The following ZDHHC14 variants were observed in gnomAD, a reference collection of about 807,000 sequenced individuals.
ZDHHC14 encodes zDHHC palmitoyltransferase 14.
In ZDHHC14, 16 loss-of-function variants were observed where a neutral mutation model predicts 47.7. That is an observed-to-expected ratio of 0.34 (90% confidence interval 0.23 to 0.51). ZDHHC14 has a LOEUF of 0.51. ZDHHC14 is among the 20% of genes least tolerant of loss of function. ZDHHC14 has a pLI of 0.97. For missense variants in ZDHHC14, 515 were observed against 662.5 expected, an observed-to-expected ratio of 0.78 and a Z score of 2.44; for synonymous variants, 293 against 278.9, an observed-to-expected ratio of 1.05 and a Z score of -0.50.
chr6:157,537,378 T>A (rs768552659), intron 1 of ZDHHC14, among the ~76,000 whole-genome samples: 2 of 152,266 alleles, frequency 1.3e-5, no homozygotes, highest in Non-Finnish European at 2.9e-5. Context: ...TAATGTACAA[T>A]GCTTTGGCAG....
intron 7 of ZDHHC14, among the ~76,000 whole-genome samples, chr6:157,653,086 C>G (rs1294821735): frequency 6.6e-6 from 1 of 152,174 alleles, no homozygotes; most frequent in African/African-American, 2.4e-5. Context: ...TGGCTCTGTT[C>G]CCACGTGGCA....
At chr6:157,465,776 T>G (rs1050660344) in intron 1 of ZDHHC14, among the ~76,000 whole-genome samples, 1 of 152,072 alleles carries the variant, frequency 6.6e-6, no homozygotes, top group Non-Finnish European at 1.5e-5. Context: ...GCGCGATAGC[T>G]TATGCCTGTA....
rs1778890783 is a variant in ZDHHC14, at chr6:157,673,210, C to T, written c.*88C>T. ...GGGGTGTGTCCCACAGCGACTTTCC[C>T]AGCCAATGCCACGGTGGAGATGACA... On this transcript the variant is annotated 3_prime_UTR_variant, in exon 9 of 9. Transcript: ENST00000359775. This position sits in a 1 kb window ranked among gnomAD's most constrained non-coding sequence, Gnocchi z 5.4. 1.4e-6 allele frequency: 2 copies of T among 1,443,306 alleles called. No homozygotes were observed. The highest frequency in any genetic ancestry group is 2.8e-5 in the South Asian group (2 of 71,388). The allele number at this position is 1,443,306 out of a possible 1,614,324, so 89.4% of individuals were successfully genotyped here.
intron 1 of ZDHHC14, among the ~76,000 whole-genome samples, chr6:157,475,936 T>G (rs1229859871): frequency 6.6e-6 from 1 of 152,102 alleles, no homozygotes; most frequent in East Asian, 1.9e-4. Context: ...TATCAAAACT[T>G]ATGGGATGCA....
At chr6:157,417,782 G>A (rs945277117) in intron 1 of ZDHHC14, among the ~76,000 whole-genome samples, 2 of 152,016 alleles carry the variant, frequency 1.3e-5, no homozygotes, top group East Asian at 3.9e-4. Flanking sequence ...GTGAAACCCC[G>A]TCTCTACTAA....
chr6:157,653,647 C>T lies in ZDHHC14; in HGVS notation c.1068+20C>T. 1 of 1,608,220 alleles carries T rather than the reference C, an allele frequency of 6.2e-7. No individual in the cohort carries two copies. Among genetic ancestry groups the T allele is most frequent in the Non-Finnish European group, 8.5e-7 (1 of 1,176,694 alleles). ...GACATGGTAGGAGTGGGGGCCACTG[C>T]TCCCTGCGAGGGCTTCCCTTTTGCT... On this transcript the variant is annotated intron_variant, in intron 8 of 8. Transcript: ENST00000359775.
At chr6:157,627,828 T>C (rs1400034607) in intron 3 of ZDHHC14, among the ~76,000 whole-genome samples, 1 of 152,222 alleles carries the variant, frequency 6.6e-6, no homozygotes, top group Admixed American at 6.5e-5. Flanking sequence ...CATTAATAAA[T>C]GTGATGGATA....
intron 3 of ZDHHC14, among the ~76,000 whole-genome samples, chr6:157,622,284 G>T (rs2114940735): frequency 6.6e-6 from 1 of 151,940 alleles, no homozygotes; most frequent in African/African-American, 2.4e-5. Flanking sequence ...CAGCCACTCG[G>T]GAGGCTGAGG....
At chr6:157,385,008 C>G (rs1362340335) in intron 1 of ZDHHC14, among the ~76,000 whole-genome samples, 1 of 152,218 alleles carries the variant, frequency 6.6e-6, no homozygotes, top group Non-Finnish European at 1.5e-5. Context: ...TCTTGAACTT[C>G]TGGCCTCAAG....
intron 1 of ZDHHC14, among the ~76,000 whole-genome samples, chr6:157,414,045 T>C (rs1257581441): frequency 6.6e-6 from 1 of 152,172 alleles, no homozygotes; most frequent in Non-Finnish European, 1.5e-5. Context: ...CAAGCGATTC[T>C]CCTGCCTCAG....
intron 3 of ZDHHC14, among the ~76,000 whole-genome samples, chr6:157,620,525 T>C (rs538153999): frequency 1.3e-5 from 2 of 152,372 alleles, no homozygotes; most frequent in Admixed American, 1.3e-4. Flanking sequence ...CATGTCTCTG[T>C]AAGAAGTTTC....
At chr6:157,514,225 G>A (rs900135090) in intron 1 of ZDHHC14, among the ~76,000 whole-genome samples, 1 of 152,184 alleles carries the variant, frequency 6.6e-6, no homozygotes, top group Non-Finnish European at 1.5e-5. Context: ...ATTTTTTGGG[G>A]GGACAAGGCA....
intron 1 of ZDHHC14, among the ~76,000 whole-genome samples, chr6:157,497,201 T>G (rs1223253710): frequency 6.6e-6 from 1 of 152,166 alleles, no homozygotes; most frequent in Non-Finnish European, 1.5e-5. Context: ...GTGACTGTAA[T>G]GAGGGAAGCG....
chr6:157,626,822 C>G (rs1785443560), intron 3 of ZDHHC14, among the ~76,000 whole-genome samples: 1 of 151,922 alleles, frequency 6.6e-6, no homozygotes, highest in South Asian at 2.1e-4. Context: ...TGTGATACAC[C>G]CGATACACCT....
rs1225083735 is a variant in ZDHHC14 at position 157,582,130 on chromosome 6, C to T, written c.407-10858C>T. ...CAGGCTGGTCTCAAACTCCTGGCCT[C>T]AAGTGATCTGCCCACCTGGGCCTCC... is the stretch of plus-strand genomic sequence containing the variant. On this transcript the variant is annotated intron_variant, in intron 2 of 8. Coordinates refer to ENST00000359775, the MANE Select transcript of ZDHHC14 (RefSeq NM_024630.3). The surrounding 1 kb of genome is among the most constrained non-coding windows in gnomAD (Gnocchi z 4.3). Among the ~76,000 whole-genome samples the T allele has an allele frequency of 6.6e-6, 1 of 152,228 alleles. No homozygotes were observed. The highest frequency in any genetic ancestry group is 2.4e-5 in the African/African-American group (1 of 41,446).
chr6:157,672,761 T>G lies in ZDHHC14; in HGVS notation c.1106T>G (p.Val369Gly). 1 of 1,612,530 alleles carries G rather than the reference T, an allele frequency of 6.2e-7. No individual in the cohort carries two copies. Among genetic ancestry groups the G allele is most frequent in the Non-Finnish European group, 8.5e-7 (1 of 1,179,824 alleles). Residue 369 changes from valine to glycine, a missense_variant, in exon 9 of 9, where the codon GTT becomes GGT. By Grantham distance (109) the Val-to-Gly change is moderately radical. Coordinates refer to ENST00000359775, the MANE Select transcript of ZDHHC14 (RefSeq NM_024630.3). ...CAGTGCATTCAGAGCACCAAATTCG[T>G]TTTGCAGGCTGCAGCCACGCCCCTG... Reference protein sequence around the residue: ...QDQCIQSTKFVLQAAATPLLQ... With the variant: ...QDQCIQSTKFGLQAAATPLLQ...
intron 8 of ZDHHC14, among the ~76,000 whole-genome samples, chr6:157,659,147 G>A (rs1778234501): frequency 6.6e-6 from 1 of 152,192 alleles, no homozygotes; most frequent in Admixed American, 6.5e-5. Context: ...GAAGCTTAAG[G>A]ACTGAAAAAG....
chr6:157,643,437 C>G (rs1431757961), intron 5 of ZDHHC14, among the ~76,000 whole-genome samples: 1 of 151,774 alleles, frequency 6.6e-6, no homozygotes, highest in African/African-American at 2.4e-5. Flanking sequence ...CACCTGAGGT[C>G]AGGAGTCCGA....
At chr6:157,612,564 A>G (rs528491102) in intron 3 of ZDHHC14, among the ~76,000 whole-genome samples, 14 of 152,284 alleles carry the variant, frequency 9.2e-5, no homozygotes, top group South Asian at 2.1e-4. Flanking sequence ...AGCTTTCTGT[A>G]TGCTTCCTTC....
Sources: allele counts gnomAD v4.1 joint callset (sites outside exome capture counted in the v4.1 genomes callset), GRCh38; gene constraint gnomAD v4.1.1; non-coding constraint Gnocchi (gnomAD v3.1); transcripts MANE v1.5; gene names NCBI Gene and HGNC (gene_info 2026-07-23, HGNC 2026-07-21).